SLIT3: variants seen among roughly 807,000 people sequenced by gnomAD.
The protein encoded by SLIT3 is slit guidance ligand 3.
A neutral mutation model predicts 184.0 loss-of-function variants in SLIT3; 68 were observed. The observed-to-expected ratio is 0.37, with a 90% CI of 0.30 to 0.45. SLIT3 has a LOEUF of 0.45. Among genes scored for constraint, SLIT3 ranks in the 20% least tolerant of loss-of-function variants. The pLI, the probability that SLIT3 is intolerant of heterozygous loss-of-function variation, is 1.00. For missense variants in SLIT3, 1,707 were observed against 2,026.0 expected (o/e 0.84, Z 3.02); for synonymous variants, 831 against 828.6 (o/e 1.00, Z -0.05).
At chr5:168,806,333 T>A (rs1447296005) in intron 9 of SLIT3, 113 bp downstream of exon 9, 1 of 1,170,928 alleles carries the variant, frequency 8.5e-7, no homozygotes, top group Admixed American at 1.9e-5. Flanking sequence ...TGAGTGTTTT[T>A]AATGGTCAGC....
chr5:168,694,809 G>C (rs760241912), intron 28 of SLIT3, among the ~76,000 whole-genome samples: 3 of 152,104 alleles, frequency 2.0e-5, no homozygotes, highest in Non-Finnish European at 4.4e-5. Flanking sequence ...AGTAGAGCTG[G>C]GGTTTTGCCA....
chr5:169,262,821 T>C (rs1325554720), intron 1 of SLIT3, among the ~76,000 whole-genome samples: 1 of 152,226 alleles, frequency 6.6e-6, no homozygotes, highest in African/African-American at 2.4e-5. Context: ...CATATGTTCC[T>C]GCTGTCTGTA....
Position 168,749,602 on chromosome 5 carries a change from G to A in SLIT3, c.2007C>T (p.Cys669=). ...NLLSNPFNCN[C]HLAWLGKWLR... The stretch of plus-strand genomic sequence containing the variant: ...ACCACTTGCCGAGCCAGGCCAGGTG[G>A]CAGTTGCAGTTGAAGGGGTTGGACA... Residue 669 remains cysteine, a synonymous_variant, in exon 19 of 36, where the codon TGC becomes TGT. Transcript: ENST00000519560. 1 of 1,614,226 alleles carries A rather than the reference G, an allele frequency of 6.2e-7. No individual in the cohort carries two copies. Among genetic ancestry groups the A allele is most frequent in the Non-Finnish European group, 8.5e-7 (1 of 1,180,032 alleles).
chr5:168,928,326 C>T (rs1761893671), intron 4 of SLIT3, among the ~76,000 whole-genome samples: 1 of 152,174 alleles, frequency 6.6e-6, no homozygotes, highest in Non-Finnish European at 1.5e-5. Flanking sequence ...CTCTATTATG[C>T]ATTAAATGAG....
rs373058615 is a variant in SLIT3, at chr5:168,785,954, G to A, written c.1104C>T (p.Thr368=). 75 of 1,612,520 alleles carry A rather than the reference G, an allele frequency of 4.7e-5. No individual in the cohort carries two copies. The highest frequency in any genetic ancestry group is 1.2e-4 in the Admixed American group (7 of 60,014). ...TSLVLYGNKI[T]EIVKGLFDGL... ...CATCAAACAGTCCCTTGACAATCTCGGTGATCTTGTTCCCATACAGGACCC... is the reference window on the plus strand; with the variant it reads ...CATCAAACAGTCCCTTGACAATCTCAGTGATCTTGTTCCCATACAGGACCC... Residue 368 remains threonine, a synonymous_variant, in exon 12 of 36, where the codon ACC becomes ACT. Coordinates refer to ENST00000519560, the MANE Select transcript of SLIT3 (RefSeq NM_003062.4).
chr5:169,233,311 C>T lies in SLIT3; in HGVS notation c.341+11394G>A, dbSNP rs539809896. On this transcript the variant is annotated intron_variant, in intron 3 of 35. Transcript: ENST00000519560. ...GTGCTGGGATTATAGGCGTGAGCCA[C>T]CGCGCCCGGTCGGCATTGGTATTTT... is the stretch of plus-strand genomic sequence containing the variant. Among the ~76,000 whole-genome samples, 4 of 152,310 alleles carry T rather than the reference C, an allele frequency of 2.6e-5. No individual in the cohort carries two copies. In the South Asian group the frequency reaches 8.3e-4, roughly 32 times the overall value.
intron 1 of SLIT3, among the ~76,000 whole-genome samples, chr5:169,264,050 A>G (rs1489014644): frequency 6.7e-6 from 1 of 149,026 alleles, no homozygotes; most frequent in African/African-American, 2.5e-5. Context: ...TATTCAATAT[A>G]CCTCCTACCT....
chr5:168,724,403 C>G lies in SLIT3; in HGVS notation c.2339+13G>C. On this transcript the variant is annotated intron_variant, in intron 21 of 35. Coordinates refer to ENST00000519560, the MANE Select transcript of SLIT3 (RefSeq NM_003062.4). ...GGAAAAATAAACATCCCACCCAATA[C>G]TGGGCTCCTTACATAAGCGTCAGGT... The G allele has an allele frequency of 6.2e-7, 1 of 1,610,430 alleles. No homozygotes were observed. Among genetic ancestry groups the G allele is most frequent in the Middle Eastern group, 1.7e-4 (1 of 6,040 alleles).
intron 4 of SLIT3, among the ~76,000 whole-genome samples, chr5:169,105,917 T>C (rs1192671500): frequency 1.3e-5 from 2 of 152,202 alleles, no homozygotes; most frequent in Non-Finnish European, 2.9e-5. Flanking sequence ...GCAGTGAACA[T>C]ACATGTGCAT....
rs1156255695 is a variant in SLIT3 at position 168,685,906 on chromosome 5, G to A, written c.3336C>T (p.Pro1112=). The A allele has an allele frequency of 1.9e-6, 3 of 1,612,608 alleles. No individual in the cohort carries two copies. The African/African-American group carries it at 4.0e-5, about 22-fold the overall frequency. ...TGGTCTGCAGTAGGACCATGGGTGG[G>A]GGGTGTTCACAGAAGGGTCCACTGG... is the stretch of plus-strand genomic sequence containing the variant. The part of the protein sequence containing the change: ...QGFSGPFCEH[P]PPMVLLQTSP... Residue 1112 remains proline, a synonymous_variant, in exon 31 of 36, where the codon CCC becomes CCT. Transcript: ENST00000519560.
At chr5:169,007,276 G>A (rs1443927407) in intron 4 of SLIT3, among the ~76,000 whole-genome samples, 1 of 152,150 alleles carries the variant, frequency 6.6e-6, no homozygotes, top group African/African-American at 2.4e-5. Flanking sequence ...CCAGTCTCAG[G>A]TATGTCTTTA....
intron 4 of SLIT3, among the ~76,000 whole-genome samples, chr5:169,175,140 G>A (rs1395223760): frequency 2.0e-5 from 3 of 152,156 alleles, no homozygotes; most frequent in East Asian, 3.8e-4. Flanking sequence ...TTAGTCATGG[G>A]AAGAAGGAAC....
chr5:168,923,967 C>T (rs1050125386), intron 4 of SLIT3, among the ~76,000 whole-genome samples: 12 of 152,254 alleles, frequency 7.9e-5, no homozygotes, highest in Non-Finnish European at 1.8e-4. Flanking sequence ...GCTGCTTTTG[C>T]ACCACAACAG....
At chr5:169,159,700 T>C (rs1762418385) in intron 4 of SLIT3, among the ~76,000 whole-genome samples, 1 of 151,990 alleles carries the variant, frequency 6.6e-6, no homozygotes, top group Admixed American at 6.6e-5. Context: ...GGCGTGAACC[T>C]GGGAGGCAGA....
In SLIT3 at chr5:168,708,150, G is replaced by A. The variant is rs1419812695; in HGVS notation, c.2720-50C>T. ...ATGGCAGGTCCTGAGTGCGCTCACTGCCATACCTCCCTTCCCCTCTGCTCT... is the reference window on the plus strand; with the variant it reads ...ATGGCAGGTCCTGAGTGCGCTCACTACCATACCTCCCTTCCCCTCTGCTCT... On this transcript the variant is annotated intron_variant, in intron 25 of 35. Coordinates refer to ENST00000519560, the MANE Select transcript of SLIT3 (RefSeq NM_003062.4). 4.3e-6 allele frequency: 7 copies of A among 1,613,350 alleles called. No individual in the cohort carries two copies. In the Admixed American group the frequency reaches 8.3e-5, roughly 19 times the overall value.
Position 169,300,399 on chromosome 5 carries a change from G to A in SLIT3, c.197+114C>T. The A allele has an allele frequency of 4.0e-6, 5 of 1,254,444 alleles. No homozygotes were observed. The highest frequency in any genetic ancestry group is 5.1e-6 in the Non-Finnish European group (5 of 972,360). The allele number at this position is 1,254,444 out of a possible 1,614,324, so 77.7% of individuals were successfully genotyped here. ...TGAGGGATCGTATCCAGGAAGGGAT[G>A]AGAATAGAGACTGCATCCAGGGAGG... On this transcript the variant is annotated intron_variant, in intron 1 of 35. Transcript: ENST00000519560. The surrounding 1 kb of genome is among the most constrained non-coding windows in gnomAD (Gnocchi z 4.1).
intron 4 of SLIT3, among the ~76,000 whole-genome samples, chr5:168,988,773 A>AC (rs113631292): frequency 1.9e-3 from 279 of 146,164 alleles, no homozygotes; most frequent in East Asian, 5.8e-3. Flanking sequence ...CAACTAGGAG[A>AC]CCCCCCCCCA....
intron 32 of SLIT3, among the ~76,000 whole-genome samples, chr5:168,676,332 C>T: frequency 6.6e-6 from 1 of 152,138 alleles, no homozygotes; most frequent in East Asian, 1.9e-4. Flanking sequence ...CTTAGCCTTT[C>T]CTATAAAGTA....
At chr5:169,166,084 C>A (rs1253108846) in intron 4 of SLIT3, among the ~76,000 whole-genome samples, 1 of 152,130 alleles carries the variant, frequency 6.6e-6, no homozygotes, top group African/African-American at 2.4e-5. Context: ...AGATCAAAGC[C>A]AGGATTTGAC....
Sources: gnomAD v4.1 joint callset for allele counts (sites outside exome capture counted in the v4.1 genomes callset) on GRCh38, gnomAD v4.1.1 for gene constraint, Gnocchi (gnomAD v3.1) non-coding constraint, MANE v1.5 for transcripts, NCBI Gene and HGNC (gene_info 2026-07-23, HGNC 2026-07-21) for gene names.